The following MYBBP1A variants were observed in gnomAD, a reference collection of about 807,000 sequenced individuals.
MYBBP1A encodes the protein myb-binding protein 1A.
In MYBBP1A, 147 loss-of-function variants were observed where a neutral mutation model predicts 136.3. That is an observed-to-expected ratio of 1.08 (90% CI 0.94 to 1.24). MYBBP1A has a LOEUF of 1.24. Among genes scored for constraint, MYBBP1A ranks in the 50% most tolerant of loss-of-function variants. The pLI is 0.00. For synonymous variants in MYBBP1A, 947 were observed against 735.8 expected (o/e 1.29, Z -4.65); for missense variants, 2,060 against 1,727.4 (o/e 1.19, Z -3.41).
intron 10 of MYBBP1A, 40 bp downstream of exon 10, chr17:4,549,292 A>G (rs1442556662): frequency 1.9e-6 from 3 of 1,587,358 alleles, no homozygotes; most frequent in Non-Finnish European, 2.6e-6. Context: ...TTCCTTGGCC[A>G]CACGCCCATG....
At position 4,548,534 on chromosome 17, in the gene MYBBP1A, C is replaced by T; in HGVS notation, c.1546G>A (p.Ala516Thr). 6.2e-7 allele frequency: 1 copy of T among 1,614,132 alleles called. No homozygotes were observed. Among genetic ancestry groups the T allele is most frequent in the Non-Finnish European group, 8.5e-7 (1 of 1,180,044 alleles). ...CTGCCCAAGACTCACCTGAAGAAGG[C>T]ACTGCTGACAGCCTCTCGGGCCTGG... ...ENQAREAVSSAFFSLLQTLST... is the reference protein window; with the variant it reads ...ENQAREAVSSTFFSLLQTLST... The change falls in exon 11 of 26, where the codon GCC becomes ACC. Residue 516 changes from alanine (A) to threonine (T), a missense_variant. Physicochemically the swap from Ala to Thr is moderately conservative, Grantham distance 58. Coordinates refer to ENST00000254718, the MANE Select transcript of MYBBP1A (RefSeq NM_014520.4). The surrounding 1 kb of genome is among the most constrained non-coding windows in gnomAD (Gnocchi z 4.2).
chr17:4,545,518 C>G (rs960372694), intron 15 of MYBBP1A, 92 bp downstream of exon 15: 1 of 1,514,294 alleles, frequency 6.6e-7, no homozygotes, highest in Non-Finnish European at 8.8e-7. Flanking sequence ...AGGCTCCCGG[C>G]AGGGAGGCTG....
intron 13 of MYBBP1A, 189 bp downstream of exon 13, chr17:4,547,769 C>T (rs1907128366): frequency 1.9e-6 from 1 of 535,948 alleles, no homozygotes; most frequent in Non-Finnish European, 3.3e-6. Flanking sequence ...GCCTAGGACA[C>T]CAGCTGGTGC....
chr17:4,553,789 G>T, intron 5 of MYBBP1A, 21 bp downstream of exon 5: 1 of 1,600,960 alleles, frequency 6.2e-7, no homozygotes, highest in Non-Finnish European at 8.6e-7. Context: ...GCCTGGGCCC[G>T]CACAGCTGGG....
At chr17:4,540,078 TGTGAGGCCCCTATGAGGGTCCC>T (rs1906226410) in intron 25 of MYBBP1A, 111 bp from the exon 26 acceptor site, 6 of 1,330,448 alleles carry the variant, frequency 4.5e-6, no homozygotes, top group Admixed American at 4.1e-5. Context: ...CCCTAGGTTC[TGTGAGGCCCCTATGAGGGTCCC>T]GTGAGGGTCC....
At chr17:4,542,439 G>C (rs1183514103) in intron 22 of MYBBP1A, 25 bp downstream of exon 22, 3 of 1,593,484 alleles carry the variant, frequency 1.9e-6, no homozygotes, top group Non-Finnish European at 2.6e-6. Flanking sequence ...ACAGGCCCTG[G>C]GCTGGGAGCT....
At chr17:4,553,191 C>A (rs914221886) in intron 5 of MYBBP1A, among the ~76,000 whole-genome samples, 3 of 152,124 alleles carry the variant, frequency 2.0e-5, no homozygotes, top group Non-Finnish European at 4.4e-5. Flanking sequence ...CACGAGGAGC[C>A]CTAGGTGGAG....
In MYBBP1A at chr17:4,551,945, G is replaced by C; in HGVS notation, c.958C>G (p.Gln320Glu). 6.2e-7 allele frequency: 1 copy of C among 1,612,864 alleles called. No homozygotes were observed. The highest frequency in any genetic ancestry group is 1.3e-5 in the African/African-American group (1 of 75,070). ...TCTCCCTGCATCACCAGGTGCAGCT[G>C]CTCCTTGGTCAGCAGGGGCAGGGCC... ...GAALPLLTKE[Q>E]LHLVMQGDVI... Residue 320 changes from glutamine (Q) to glutamate (E), a missense_variant, in exon 8 of 26, where the codon CAG becomes GAG. Gln to Glu is a conservative substitution (Grantham distance 29, BLOSUM62 2). Coordinates refer to ENST00000254718, the MANE Select transcript of MYBBP1A (RefSeq NM_014520.4).
In MYBBP1A at chr17:4,548,357, G is replaced by A. The variant is rs765889574; in HGVS notation, c.1557-47C>T. 3.7e-6 allele frequency: 6 copies of A among 1,605,890 alleles called. No individual in the cohort carries two copies. The highest frequency in any genetic ancestry group is 1.1e-5 in the South Asian group (1 of 90,948). On this transcript the variant is annotated intron_variant, in intron 11 of 25. Coordinates refer to ENST00000254718, the MANE Select transcript of MYBBP1A (RefSeq NM_014520.4). This position sits in a 1 kb window ranked among gnomAD's most constrained non-coding sequence, Gnocchi z 4.2. ...GGGTCAGCAGACCAGATGAGTCAATGTAGCCGCCTCCCTCCGCCCTCCCCA... is the reference window on the plus strand; with the variant it reads ...GGGTCAGCAGACCAGATGAGTCAATATAGCCGCCTCCCTCCGCCCTCCCCA...
At chr17:4,549,678 G>A (rs1238504328) in intron 9 of MYBBP1A, among the ~76,000 whole-genome samples, 1 of 150,604 alleles carries the variant, frequency 6.6e-6, no homozygotes, top group Non-Finnish European at 1.5e-5. Flanking sequence ...TGGAGAGGCT[G>A]AGGCAGAGAA....
chr17:4,542,864 C>T (rs532610403), intron 20 of MYBBP1A, 49 bp downstream of exon 20: 4 of 1,608,740 alleles, frequency 2.5e-6, no homozygotes, highest in East Asian at 4.5e-5. Context: ...GGCCTCCACT[C>T]CCTGGCTGTG....
chr17:4,554,117 G>A (rs1260080390), intron 3 of MYBBP1A, 24 bp from the exon 4 acceptor site: 2 of 1,613,738 alleles, frequency 1.2e-6, no homozygotes, highest in Admixed American at 3.3e-5. Context: ...CCAGGCACAG[G>A]CATGAGGGGC....
intron 13 of MYBBP1A, among the ~76,000 whole-genome samples, chr17:4,546,212 A>G (rs1906999251): frequency 6.6e-6 from 1 of 152,156 alleles, no homozygotes; most frequent in Admixed American, 6.5e-5. Flanking sequence ...TCTGCCTCCC[A>G]GGTTCAAGCC....
At chr17:4,547,650 G>A (rs758177513) in intron 13 of MYBBP1A, 1 of 320,370 alleles carries the variant, frequency 3.1e-6, no homozygotes, top group Non-Finnish European at 5.7e-6. Context: ...CCCACAGCAG[G>A]GGGTACAGTG....
chr17:4,543,044 G>A lies in MYBBP1A; in HGVS notation c.2761C>T (p.Leu921Phe), dbSNP rs780831039. The change falls in exon 20 of 26, where the codon CTC becomes TTC. Residue 921 changes from leucine to phenylalanine, a missense_variant. Coordinates refer to ENST00000254718, the MANE Select transcript of MYBBP1A (RefSeq NM_014520.4). The part of the protein sequence containing the change: ...AGRQPDSPTA[L>F]YHFNASLYLL... ...TAGAGAGAGGCGTTGAAGTGGTAGA[G>A]GGCGGTGGGGGAGTCGGGCTGGCGG... 13 of 1,613,500 alleles carry A rather than the reference G, an allele frequency of 8.1e-6. No individual in the cohort carries two copies. Among genetic ancestry groups the A allele is most frequent in the Admixed American group, 1.7e-5 (1 of 60,004 alleles).
rs1393786484 is a variant in MYBBP1A, at chr17:4,550,237, G to A, written c.1140C>T (p.Val380=). ...GCGTGACAGGGAGGCCTTGGTTGGT[G>A]ACAGATGAGAAGGCCACTAGCACGG... The part of the protein sequence containing the change: ...QLAVLVAFSS[V]TNQGLPVTPT... The change falls in exon 9 of 26, where the codon GTC becomes GTT. Residue 380 remains valine (V), a synonymous_variant. Transcript: ENST00000254718. The A allele has an allele frequency of 1.2e-6, 2 of 1,613,632 alleles. No homozygotes were observed. The highest frequency in any genetic ancestry group is 1.7e-6 in the Non-Finnish European group (2 of 1,180,050).
In MYBBP1A at chr17:4,544,766, G is replaced by A. The variant is rs368578952; in HGVS notation, c.2466C>T (p.Arg822=). The change falls in exon 18 of 26, where the codon CGC becomes CGT. Residue 822 remains arginine, a synonymous_variant. Coordinates refer to ENST00000254718, the MANE Select transcript of MYBBP1A (RefSeq NM_014520.4). ...NKLQKEKALR[R]DFQIRVLDLV... ...CCAGGCTCACCCGGATCTGGAAGTCGCGCCGCAGAGCCTTCTCCTTCTGCA... is the reference window on the plus strand; with the variant it reads ...CCAGGCTCACCCGGATCTGGAAGTCACGCCGCAGAGCCTTCTCCTTCTGCA... The A allele has an allele frequency of 3.1e-5, 49 of 1,572,138 alleles. No individual in the cohort carries two copies. The highest frequency in any genetic ancestry group is 1.1e-4 in the African/African-American group (8 of 73,942).
intron 9 of MYBBP1A, among the ~76,000 whole-genome samples, chr17:4,549,774 T>G (rs1442273578): frequency 5.1e-5 from 5 of 98,152 alleles, no homozygotes; most frequent in Admixed American, 1.6e-4. Flanking sequence ...CCACAGAGAG[T>G]GAGACTCTGT....
chr17:4,553,443 A>G (rs1418378372), intron 5 of MYBBP1A, among the ~76,000 whole-genome samples: 1 of 152,268 alleles, frequency 6.6e-6, no homozygotes, highest in African/African-American at 2.4e-5. Context: ...CCAATACGGT[A>G]GCCACAGCCA....
Sources: gnomAD v4.1 joint callset for allele counts (sites outside exome capture counted in the v4.1 genomes callset) on GRCh38, gnomAD v4.1.1 for gene constraint, Gnocchi (gnomAD v3.1) non-coding constraint, MANE v1.5 for transcripts, NCBI Gene and HGNC (gene_info 2026-07-23, HGNC 2026-07-21) for gene names.